Variants in PAG1 observed in about 807,000 individuals in gnomAD.
PAG1 encodes phosphoprotein associated with glycosphingolipid-enriched microdomains 1.
A neutral mutation model predicts 31.7 loss-of-function variants in PAG1; 23 were observed. The observed-to-expected ratio is 0.73, with a 90% CI of 0.52 to 1.03. The LOEUF (loss-of-function observed/expected upper bound fraction) is 1.03, where lower values mean the gene tolerates loss of function less well. Ranked by LOEUF, PAG1 falls within the 50% of genes least tolerant of loss-of-function variation. The probability of loss-of-function intolerance (pLI) is 0.00; values close to 1 mark genes in which losing one functional copy is unlikely to be tolerated. For missense variants in PAG1, 473 were observed against 540.7 expected, an observed-to-expected ratio of 0.87 and a Z score of 1.24; for synonymous variants, 214 against 210.3, an observed-to-expected ratio of 1.02 and a Z score of -0.15.
chr8:81,050,846 C>G (rs1366427712), intron 2 of PAG1, among the ~76,000 whole-genome samples: 1 of 152,192 alleles, frequency 6.6e-6, no homozygotes, highest in African/African-American at 2.4e-5. Flanking sequence ...GCCAGTAGAA[C>G]ATGTGCTCAT....
At chr8:81,081,497 C>A (rs567790740) in intron 1 of PAG1, among the ~76,000 whole-genome samples, 4 of 152,228 alleles carry the variant, frequency 2.6e-5, no homozygotes, top group Middle Eastern at 3.4e-3. Context: ...AAGGTAAACA[C>A]ACTGATAGAA....
At chr8:81,101,360 A>C (rs1224305908) in intron 1 of PAG1, among the ~76,000 whole-genome samples, 1 of 152,218 alleles carries the variant, frequency 6.6e-6, no homozygotes, top group African/African-American at 2.4e-5. Context: ...CGTAACACTA[A>C]ATATGTACAA....
At chr8:81,016,531 T>C (rs139341759) in intron 3 of PAG1, among the ~76,000 whole-genome samples, 15 of 152,240 alleles carry the variant, frequency 9.9e-5, no homozygotes, top group African/African-American at 3.4e-4. Context: ...ATTTGACAGT[T>C]CTCCTTATGC....
intron 2 of PAG1, among the ~76,000 whole-genome samples, chr8:81,044,774 G>C (rs984410160): frequency 6.6e-6 from 1 of 152,076 alleles, no homozygotes; most frequent in South Asian, 2.1e-4. Flanking sequence ...AAAGGCTCTA[G>C]GATGTTTCCT....
intron 3 of PAG1, among the ~76,000 whole-genome samples, chr8:81,020,571 C>T (rs991715503): frequency 6.6e-6 from 1 of 152,126 alleles, no homozygotes; most frequent in Non-Finnish European, 1.5e-5. Flanking sequence ...TCTTCTTTGC[C>T]TTCTACCATG....
At chr8:81,030,454 CTG>C (rs1808360786) in intron 2 of PAG1, among the ~76,000 whole-genome samples, 2 of 152,188 alleles carry the variant, frequency 1.3e-5, no homozygotes, top group African/African-American at 4.8e-5. Context: ...ATTCAAATAA[CTG>C]TTTTCTGAAT....
intron 2 of PAG1, among the ~76,000 whole-genome samples, chr8:81,046,383 T>C (rs942846101): frequency 1.1e-4 from 16 of 152,160 alleles, no homozygotes; most frequent in African/African-American, 3.9e-4. Flanking sequence ...ATGTGAATAC[T>C]TGTCACATCT....
At chr8:81,017,672 G>A (rs190310469) in intron 3 of PAG1, among the ~76,000 whole-genome samples, 1 of 152,276 alleles carries the variant, frequency 6.6e-6, no homozygotes, top group Non-Finnish European at 1.5e-5. Context: ...CAATTACAAA[G>A]AGCAGGAGCA....
intron 4 of PAG1, among the ~76,000 whole-genome samples, chr8:80,992,166 C>G (rs1474865820): frequency 6.6e-6 from 1 of 152,236 alleles, no homozygotes; most frequent in Non-Finnish European, 1.5e-5. Context: ...GTCCAGGCCC[C>G]GGGAAGCCCC....
chr8:81,027,836 C>T (rs919513505), intron 3 of PAG1, among the ~76,000 whole-genome samples: 9 of 137,436 alleles, frequency 6.5e-5, no homozygotes, highest in African/African-American at 1.4e-4. Flanking sequence ...ACATGGGAGG[C>T]GGAGCTTGCA....
intron 3 of PAG1, among the ~76,000 whole-genome samples, chr8:81,008,591 A>G (rs1807927927): frequency 6.7e-6 from 1 of 149,106 alleles, no homozygotes; most frequent in African/African-American, 2.4e-5. Flanking sequence ...TAGTATATAT[A>G]ATACTACTAC....
intron 2 of PAG1, among the ~76,000 whole-genome samples, chr8:81,038,475 C>T (rs1808499785): frequency 6.6e-6 from 1 of 152,200 alleles, no homozygotes; most frequent in Non-Finnish European, 1.5e-5. Flanking sequence ...ATTCGCCTGG[C>T]AGCTTCCACA....
In PAG1 at chr8:80,976,582, T is replaced by TTA. The variant is rs765220896; in HGVS notation, c.1259_1260dup (p.Ser421Ter). ...ATATCTCTGCCTTGCTGCAAGTCAC[T>TTA]TATGCTCTCGTAGTCGTTCTCCTTT... On this transcript the variant is annotated frameshift_variant, in exon 9 of 9. Transcript: ENST00000220597. LOFTEE classifies it high-confidence loss of function. 1 of 1,613,842 alleles carries TTA rather than the reference T, an allele frequency of 6.2e-7. No individual in the cohort carries two copies. The highest frequency in any genetic ancestry group is 8.5e-7 in the Non-Finnish European group (1 of 1,179,922).
At chr8:81,021,380 G>A (rs571912561) in intron 3 of PAG1, among the ~76,000 whole-genome samples, 4 of 150,552 alleles carry the variant, frequency 2.7e-5, no homozygotes, top group East Asian at 1.9e-4. Flanking sequence ...GACCAATATC[G>A]GTACATTATT....
At chr8:81,073,905 G>A (rs1266339095) in intron 1 of PAG1, among the ~76,000 whole-genome samples, 1 of 152,110 alleles carries the variant, frequency 6.6e-6, no homozygotes, top group African/African-American at 2.4e-5. Flanking sequence ...CAGACCTGAA[G>A]GTGGGGGGGA....
At chr8:80,988,641 G>A (rs1807474974) in intron 5 of PAG1, among the ~76,000 whole-genome samples, 1 of 152,048 alleles carries the variant, frequency 6.6e-6, no homozygotes, top group Admixed American at 6.5e-5. Flanking sequence ...CATAAGAGAT[G>A]GGATCTTGCT....
At chr8:81,032,913 G>A (rs532512710) in intron 2 of PAG1, among the ~76,000 whole-genome samples, 1 of 152,136 alleles carries the variant, frequency 6.6e-6, no homozygotes, top group African/African-American at 2.4e-5. Context: ...ACTGGTACAT[G>A]TTACAACATG....
At chr8:81,040,199 A>G (rs996936578) in intron 2 of PAG1, among the ~76,000 whole-genome samples, 13 of 152,236 alleles carry the variant, frequency 8.5e-5, no homozygotes, top group African/African-American at 3.1e-4. Flanking sequence ...TCTATTGTTT[A>G]GTACTTATGT....
Position 81,070,098 on chromosome 8 carries a change from T to C in PAG1, c.-175+14A>G, listed in dbSNP as rs953374061. The stretch of plus-strand genomic sequence containing the variant: ...ATGTAGAATAAACCAGATAAATAAA[T>C]ACTTTGAAATCACCTTTTCCCAGCA... On this transcript the variant is annotated intron_variant, in intron 2 of 8. Transcript: ENST00000220597. The C allele has an allele frequency of 6.6e-6, 1 of 152,178 alleles. No homozygotes were observed. Among genetic ancestry groups the C allele is most frequent in the East Asian group, 1.9e-4 (1 of 5,208 alleles). 9.4% of individuals were successfully genotyped at this position (152,178 alleles called of 1,614,324 possible). A position where few individuals can be genotyped will look rare whatever the true frequency, so the allele number is the denominator to read the frequency against.
Sources: allele counts gnomAD v4.1 joint callset (sites outside exome capture counted in the v4.1 genomes callset), GRCh38; gene constraint gnomAD v4.1.1; transcripts MANE v1.5; gene names NCBI Gene and HGNC (gene_info 2026-07-23, HGNC 2026-07-21).